The following FAF1 variants were observed in gnomAD, a reference collection of about 807,000 sequenced individuals.
The protein encoded by FAF1 is Fas associated factor 1.
In FAF1, 25 loss-of-function variants were observed where a neutral mutation model predicts 92.5. The ratio of observed to expected loss-of-function variants is 0.27; its 90% confidence interval spans 0.20 to 0.38. The LOEUF (loss-of-function observed/expected upper bound fraction) is 0.38. Among genes scored for constraint, FAF1 ranks in the 10% least tolerant of loss-of-function variants. FAF1 has a pLI of 1.00. For synonymous variants in FAF1, 234 were observed against 273.2 expected, an observed-to-expected ratio of 0.86 and a Z score of 1.42; for missense variants, 636 against 793.3, an observed-to-expected ratio of 0.80 and a Z score of 2.38.
chr1:50,862,130 G>A (rs1197840829), intron 1 of FAF1, among the ~76,000 whole-genome samples: 1 of 151,608 alleles, frequency 6.6e-6, no homozygotes, highest in African/African-American at 2.4e-5. Context: ...TGGGAATGAG[G>A]ACCAATCTAA....
Position 50,575,765 on chromosome 1 carries a change from T to C in FAF1, c.1113+6853A>G, listed in dbSNP as rs575150233. Among the ~76,000 whole-genome samples, 253 of 152,334 alleles carry C rather than the reference T, an allele frequency of 1.7e-3. 2 individuals carry two copies. The highest frequency in any genetic ancestry group is 5.7e-3 in the African/African-American group (235 of 41,584). On this transcript the variant is annotated intron_variant, in intron 12 of 18. Transcript: ENST00000396153. ...CAAGATAAGCAGACTGGGCATATTT[T>C]CCAAAGCACAAAGAAGTTTGTTTGC...
intron 2 of FAF1, among the ~76,000 whole-genome samples, chr1:50,822,774 C>CTTTCT (rs1553143377): frequency 3.0e-4 from 38 of 125,210 alleles, no homozygotes; most frequent in East Asian, 1.5e-3. Context: ...TTCTTTCTTT[C>CTTTCT]TTTTTTTTTT....
chr1:50,677,998 A>G (rs1348482013), intron 7 of FAF1, among the ~76,000 whole-genome samples: 1 of 151,928 alleles, frequency 6.6e-6, no homozygotes, highest in Admixed American at 6.6e-5. Flanking sequence ...GTTTTGTGAG[A>G]TATGTAGGCT....
intron 1 of FAF1, among the ~76,000 whole-genome samples, chr1:50,939,012 T>A (rs1218461157): frequency 6.6e-6 from 1 of 152,208 alleles, no homozygotes; most frequent in Non-Finnish European, 1.5e-5. Flanking sequence ...TGCCTCCCAC[T>A]TTGTTCTTTT....
intron 5 of FAF1, among the ~76,000 whole-genome samples, chr1:50,739,321 TG>T (rs1659279294): frequency 6.6e-6 from 1 of 152,090 alleles, no homozygotes; most frequent in Non-Finnish European, 1.5e-5. Flanking sequence ...CATATACATG[TG>T]TACATGTGTA....
chr1:50,953,435 A>G (rs1365506882), intron 1 of FAF1, among the ~76,000 whole-genome samples: 1 of 151,646 alleles, frequency 6.6e-6, no homozygotes, highest in Non-Finnish European at 1.5e-5. Context: ...TTTTAAAAAA[A>G]GAAAAAAAAG....
At chr1:50,586,974 A>G (rs1485058390) in intron 9 of FAF1, among the ~76,000 whole-genome samples, 1 of 152,204 alleles carries the variant, frequency 6.6e-6, no homozygotes, top group Non-Finnish European at 1.5e-5. Context: ...ATCTTCTCAC[A>G]TCCTCTATCA....
chr1:50,782,202 T>C (rs1291730363), intron 4 of FAF1, among the ~76,000 whole-genome samples: 3 of 152,118 alleles, frequency 2.0e-5, no homozygotes, highest in African/African-American at 7.2e-5. Context: ...AAGTTAACGG[T>C]AAAACAGGCT....
intron 2 of FAF1, among the ~76,000 whole-genome samples, chr1:50,820,663 C>T (rs1281987886): frequency 6.6e-6 from 1 of 152,152 alleles, no homozygotes; most frequent in Non-Finnish European, 1.5e-5. Context: ...ATTTCCCAGC[C>T]CCTGGTAACC....
chr1:50,499,127 T>C (rs763870612), intron 15 of FAF1, among the ~76,000 whole-genome samples: 2 of 152,184 alleles, frequency 1.3e-5, no homozygotes, highest in Non-Finnish European at 2.9e-5. Flanking sequence ...GGATCAACAT[T>C]GTGTTTCCAC....
At chr1:50,447,372 G>GCCT (rs1646242054) in intron 18 of FAF1, among the ~76,000 whole-genome samples, 2 of 151,974 alleles carry the variant, frequency 1.3e-5, no homozygotes, top group African/African-American at 4.8e-5. Context: ...TGATCCGCCC[G>GCCT]CCTCGGCCTC....
At chr1:50,602,202 T>C (rs548153830) in intron 8 of FAF1, among the ~76,000 whole-genome samples, 2 of 152,330 alleles carry the variant, frequency 1.3e-5, no homozygotes, top group South Asian at 4.1e-4. Context: ...GTTTGTAAAA[T>C]ACAATTCTCT....
chr1:50,545,936 G>T (rs1380935694), intron 13 of FAF1, among the ~76,000 whole-genome samples: 1 of 152,242 alleles, frequency 6.6e-6, no homozygotes, highest in Non-Finnish European at 1.5e-5. Context: ...GCCAAGGTGG[G>T]GGGAGGAAAT....
chr1:50,931,892 AAT>A (rs775103516), intron 1 of FAF1, among the ~76,000 whole-genome samples: 37,499 of 112,224 alleles, frequency 0.33, 5,116 homozygotes, highest in Middle Eastern at 0.49. Flanking sequence ...ATAAATAAAT[AAT>A]AATAATAATA....
intron 4 of FAF1, among the ~76,000 whole-genome samples, chr1:50,763,530 C>CTGAT (rs1660441788): frequency 6.6e-6 from 1 of 152,108 alleles, no homozygotes; most frequent in Non-Finnish European, 1.5e-5. Context: ...TTTAGGGGCT[C>CTGAT]TAATCAGACA....
chr1:50,706,834 T>C (rs1302427076), intron 6 of FAF1, among the ~76,000 whole-genome samples: 1 of 152,202 alleles, frequency 6.6e-6, no homozygotes, highest in African/African-American at 2.4e-5. Context: ...GTGTGCTCCA[T>C]GGTTTTAACC....
intron 4 of FAF1, among the ~76,000 whole-genome samples, chr1:50,768,557 T>TA (rs948680738): frequency 4.0e-5 from 6 of 150,196 alleles, no homozygotes; most frequent in East Asian, 3.9e-4. Context: ...CTTAGCAAAT[T>TA]AAAAAAAAAT....
intron 8 of FAF1, among the ~76,000 whole-genome samples, chr1:50,632,324 C>T (rs796520061): frequency 2.6e-5 from 4 of 152,248 alleles, no homozygotes; most frequent in African/African-American, 4.8e-5. Flanking sequence ...AGGTTAGAAA[C>T]GAGTAACACA....
intron 2 of FAF1, among the ~76,000 whole-genome samples, chr1:50,811,164 G>A (rs536620411): frequency 5.1e-4 from 77 of 152,034 alleles, no homozygotes; most frequent in Admixed American, 2.8e-3. Context: ...GCATAACCCC[G>A]TCTCTATAAA....
Sources: allele counts gnomAD v4.1 joint callset (sites outside exome capture counted in the v4.1 genomes callset), GRCh38; gene constraint gnomAD v4.1.1; transcripts MANE v1.5; gene names NCBI Gene and HGNC (gene_info 2026-07-23, HGNC 2026-07-21).